Variants in CLXN observed in about 807,000 individuals in gnomAD.
CLXN encodes the protein calaxin.
chr8:48,722,232 C>T, the CLXN span, among the ~76,000 whole-genome samples: 1 of 152,158 alleles, frequency 6.6e-6, no homozygotes, highest in Non-Finnish European at 1.5e-5. Flanking sequence ...AAACCAGAAT[C>T]AGATATCCCC....
the CLXN span, chr8:48,728,984 G>A: frequency 5.4e-6 from 7 of 1,291,278 alleles, no homozygotes; most frequent in African/African-American, 1.5e-5. Flanking sequence ...AAATCAAGAA[G>A]TCCTGGGTTG....
At chr8:48,734,987 A>G in the CLXN span, 1 of 1,298,938 alleles carries the variant, frequency 7.7e-7, no homozygotes. Flanking sequence ...GGTAGCCCAC[A>G]GAGTCCCAGC....
the CLXN span, chr8:48,723,972 G>C: frequency 6.6e-6 from 1 of 152,200 alleles, no homozygotes; most frequent in African/African-American, 2.4e-5. Flanking sequence ...CAATGCATTA[G>C]CCATGAAACC....
chr8:48,733,001 C>A, the CLXN span, among the ~76,000 whole-genome samples: 1 of 152,032 alleles, frequency 6.6e-6, no homozygotes, highest in Non-Finnish European at 1.5e-5. Context: ...GAACAATGAA[C>A]AAGTTACGGA....
the CLXN span, chr8:48,716,508 G>C: frequency 5.9e-5 from 9 of 152,372 alleles, no homozygotes; most frequent in African/African-American, 2.2e-4. Flanking sequence ...TGCCGGGACC[G>C]AGTGAGGGCT....
At chr8:48,726,870 A>ATCT in the CLXN span, among the ~76,000 whole-genome samples, 6 of 136,202 alleles carry the variant, frequency 4.4e-5, no homozygotes, top group African/African-American at 8.5e-5. Flanking sequence ...TGCATCTATC[A>ATCT]ATCTATCTAT....
At chr8:48,726,776 C>T in the CLXN span, among the ~76,000 whole-genome samples, 16 of 146,846 alleles carry the variant, frequency 1.1e-4, no homozygotes, top group African/African-American at 4.0e-4. Flanking sequence ...CACTTACCCA[C>T]CCACCTCACC....
the CLXN span, among the ~76,000 whole-genome samples, chr8:48,734,143 T>G: frequency 6.6e-6 from 1 of 152,210 alleles, no homozygotes; most frequent in Non-Finnish European, 1.5e-5. Flanking sequence ...ATAATTAGAA[T>G]GCACTAGATC....
the CLXN span, chr8:48,729,948 C>A: frequency 7.2e-7 from 1 of 1,391,110 alleles, no homozygotes; most frequent in Non-Finnish European, 9.8e-7. Context: ...TTTTCAGGGC[C>A]AAGTTCTATC....
the CLXN span, among the ~76,000 whole-genome samples, chr8:48,733,723 C>T: frequency 6.6e-6 from 1 of 151,956 alleles, no homozygotes. Context: ...TTTTTCCTGC[C>T]ATATTTTTAC....
At chr8:48,727,138 C>T in the CLXN span, among the ~76,000 whole-genome samples, 7,805 of 145,034 alleles carry the variant, frequency 0.054, 324 homozygotes, top group South Asian at 0.15. Context: ...ACACCCACAT[C>T]ACCCATCCAT....
chr8:48,721,054 A>G, the CLXN span, among the ~76,000 whole-genome samples: 1 of 152,188 alleles, frequency 6.6e-6, no homozygotes, highest in Admixed American at 6.5e-5. Flanking sequence ...CTACAAACAC[A>G]ACAATGACAA....
the CLXN span, among the ~76,000 whole-genome samples, chr8:48,734,264 A>G: frequency 6.6e-6 from 1 of 152,216 alleles, no homozygotes; most frequent in Non-Finnish European, 1.5e-5. Flanking sequence ...TTTTGCAATT[A>G]GCACACACAA....
the CLXN span, among the ~76,000 whole-genome samples, chr8:48,728,148 C>T: frequency 1.3e-5 from 2 of 152,154 alleles, no homozygotes; most frequent in African/African-American, 4.8e-5. Context: ...AGGGATGCCT[C>T]ATCACCTTCA....
chr8:48,735,119 G>A, the CLXN span: 2 of 1,614,076 alleles, frequency 1.2e-6, no homozygotes, highest in Admixed American at 1.7e-5. Context: ...TGGTTAAGGT[G>A]TCCGTCAGCT....
the CLXN span, chr8:48,715,920 G>T: frequency 6.6e-6 from 1 of 152,268 alleles, no homozygotes; most frequent in Admixed American, 6.5e-5. Context: ...TCCTGACAAA[G>T]AATTCAAAAT....
chr8:48,724,286 C>T, the CLXN span: 1 of 152,632 alleles, frequency 6.6e-6, no homozygotes, highest in South Asian at 2.1e-4. Context: ...AAAGGCGTTT[C>T]AATGCTCAAT....
At chr8:48,719,574 C>T in the CLXN span, among the ~76,000 whole-genome samples, 18 of 152,146 alleles carry the variant, frequency 1.2e-4, no homozygotes, top group African/African-American at 4.3e-4. Flanking sequence ...AATGCCATGA[C>T]CAGGTGGAAT....
the CLXN span, chr8:48,730,573 A>G: frequency 1.2e-6 from 2 of 1,611,920 alleles, no homozygotes; most frequent in Non-Finnish European, 1.7e-6. Flanking sequence ...CCTCGAAGAA[A>G]CAGTGATAAT....
Sources: allele counts gnomAD v4.1 joint callset (sites outside exome capture counted in the v4.1 genomes callset), GRCh38; gene constraint gnomAD v4.1.1; transcripts MANE v1.5; gene names NCBI Gene and HGNC (gene_info 2026-07-23, HGNC 2026-07-21).